Variants in KPNA5 observed in about 807,000 individuals in gnomAD.
The protein encoded by KPNA5 is importin subunit alpha-6.
In KPNA5, 46 loss-of-function variants were observed where a neutral mutation model predicts 71.3. The ratio of observed to expected loss-of-function variants is 0.65; its 90% CI spans 0.51 to 0.83. The LOEUF (loss-of-function observed/expected upper bound fraction) is 0.83. Ranked by LOEUF, KPNA5 falls within the 40% of genes least tolerant of loss-of-function variation. The pLI is 0.00. For missense variants in KPNA5, 547 were observed against 628.3 expected, an observed-to-expected ratio of 0.87 and a Z score of 1.38; for synonymous variants, 207 against 201.4, an observed-to-expected ratio of 1.03 and a Z score of -0.24.
At chr6:116,706,213 GTCTCTA>G (rs1474446541) in intron 7 of KPNA5, among the ~76,000 whole-genome samples, 1 of 152,122 alleles carries the variant, frequency 6.6e-6, no homozygotes, top group Non-Finnish European at 1.5e-5. Context: ...TTGTTGTTCT[GTCTCTA>G]TGTCATTTTA....
chr6:116,702,324 A>G (rs1778261210), intron 6 of KPNA5, among the ~76,000 whole-genome samples, 174 bp downstream of exon 6: 1 of 152,196 alleles, frequency 6.6e-6, no homozygotes, highest in South Asian at 2.1e-4. Context: ...AGTTCCAGAC[A>G]TAATCCTGGG....
chr6:116,713,395 C>A (rs1778775108), intron 7 of KPNA5, among the ~76,000 whole-genome samples: 3 of 152,066 alleles, frequency 2.0e-5, no homozygotes, highest in Admixed American at 1.3e-4. Flanking sequence ...TTGCCTCTGT[C>A]CTTCATGATT....
rs377543275 is a variant in KPNA5, at chr6:116,732,346, A to G, written c.*23A>G. ...TAACTTACTGGAGGAAAAAAAATTT[A>G]TGGCTAAAAAGGGTAGCTTCAGGTA... On this transcript the variant is annotated 3_prime_UTR_variant, in exon 14 of 14. Transcript: ENST00000368564. 19 of 1,417,076 alleles carry G rather than the reference A, an allele frequency of 1.3e-5. No homozygotes were observed. Among genetic ancestry groups the G allele is most frequent in the Admixed American group, 2.4e-5 (1 of 42,272 alleles). 87.8% of individuals were successfully genotyped at this position (1,417,076 alleles called of 1,614,324 possible).
intron 4 of KPNA5, among the ~76,000 whole-genome samples, chr6:116,693,580 GTTGT>G (rs1254459937): frequency 5.9e-5 from 9 of 152,114 alleles, no homozygotes; most frequent in Non-Finnish European, 8.8e-5. Context: ...TGTTGATGGG[GTTGT>G]TTGTTTTTTT....
chr6:116,704,734 C>G (rs576647674), intron 6 of KPNA5, among the ~76,000 whole-genome samples: 1 of 152,004 alleles, frequency 6.6e-6, no homozygotes. Context: ...GCCACCACAC[C>G]CAGCTAATTT....
At chr6:116,720,208 A>G (rs1402389263) in intron 8 of KPNA5, among the ~76,000 whole-genome samples, 1 of 152,158 alleles carries the variant, frequency 6.6e-6, no homozygotes, top group Non-Finnish European at 1.5e-5. Context: ...ATTTCTAAGC[A>G]TTTGGAGTTG....
At chr6:116,696,957 T>TATATC (rs1367723402) in intron 4 of KPNA5, among the ~76,000 whole-genome samples, 7 of 151,988 alleles carry the variant, frequency 4.6e-5, no homozygotes, top group Admixed American at 1.3e-4. Context: ...TGGGGGGGTA[T>TATATC]ATATCATATC....
chr6:116,719,468 G>GT (rs2114477693), intron 8 of KPNA5, among the ~76,000 whole-genome samples: 1 of 152,266 alleles, frequency 6.6e-6, no homozygotes, highest in South Asian at 2.1e-4. Context: ...AGACCATTCA[G>GT]TTTTTTTAGA....
Position 116,725,878 on chromosome 6 carries a change from T to G in KPNA5, c.1125+2T>G. The G allele has an allele frequency of 1.2e-6, 2 of 1,612,114 alleles. No homozygotes were observed. The highest frequency in any genetic ancestry group is 2.2e-5 in the South Asian group (2 of 90,752). Reference sequence around the variant, plus strand: ...GCTGGAAATAGAGCTCAGATTCAGGTAACTACCCTTCAGATCTGAGAGTAG... The same window carrying G: ...GCTGGAAATAGAGCTCAGATTCAGGGAACTACCCTTCAGATCTGAGAGTAG... On this transcript the variant is annotated splice_donor_variant, in intron 11 of 13. Coordinates refer to ENST00000368564, the MANE Select transcript of KPNA5 (RefSeq NM_001366306.2). LOFTEE classifies it high-confidence loss of function.
intron 1 of KPNA5, among the ~76,000 whole-genome samples, chr6:116,683,697 C>A (rs1256528065): frequency 3.3e-5 from 5 of 151,574 alleles, no homozygotes; most frequent in African/African-American, 1.2e-4. Context: ...GAGTCTCCCT[C>A]CCGGGGTCTC....
At position 116,736,322 on chromosome 6, in the gene KPNA5, A is replaced by G. The variant is rs1388118756; in HGVS notation, c.*3999A>G. The G allele has an allele frequency of 6.6e-6, 1 of 151,992 alleles. No homozygotes were observed. The highest frequency in any genetic ancestry group is 1.9e-4 in the East Asian group (1 of 5,202). 9.4% of individuals were successfully genotyped at this position (151,992 alleles called of 1,614,324 possible). On this transcript the variant is annotated 3_prime_UTR_variant, in exon 14 of 14. Transcript: ENST00000368564. ...TGAAGTGTTCGGAATAGACAAATCT[A>G]TAGAAACAGAAATAAATTAGTATCT...
intron 8 of KPNA5, among the ~76,000 whole-genome samples, chr6:116,720,121 GCTT>G (rs1459603464): frequency 6.6e-6 from 1 of 152,120 alleles, no homozygotes; most frequent in Non-Finnish European, 1.5e-5. Context: ...AGTCTATCCT[GCTT>G]CTTATCAGAT....
intron 4 of KPNA5, among the ~76,000 whole-genome samples, chr6:116,697,453 A>G (rs1269426541): frequency 1.3e-5 from 2 of 152,072 alleles, no homozygotes; most frequent in Non-Finnish European, 2.9e-5. Flanking sequence ...GTCTGTTTCT[A>G]AGTAAATCTT....
At chr6:116,687,868 G>GAACTATGTAA (rs1216148298) in intron 1 of KPNA5, among the ~76,000 whole-genome samples, 14 of 152,070 alleles carry the variant, frequency 9.2e-5, no homozygotes, top group Non-Finnish European at 1.6e-4. Flanking sequence ...CTCTCTCTCT[G>GAACTATGTAA]AACTATGTAA....
intron 4 of KPNA5, among the ~76,000 whole-genome samples, chr6:116,696,771 A>T (rs1050968907): frequency 6.6e-6 from 1 of 152,162 alleles, no homozygotes; most frequent in African/African-American, 2.4e-5. Context: ...CACCATTATA[A>T]GATTATGTAG....
chr6:116,719,991 A>G (rs77129286), intron 8 of KPNA5, among the ~76,000 whole-genome samples: 35 of 152,316 alleles, frequency 2.3e-4, no homozygotes, highest in African/African-American at 8.2e-4. Context: ...ACTGTGCTTT[A>G]TATCCCAAAG....
chr6:116,714,702 A>G (rs1407005194), intron 7 of KPNA5, among the ~76,000 whole-genome samples: 2 of 152,124 alleles, frequency 1.3e-5, no homozygotes, highest in African/African-American at 2.4e-5. Flanking sequence ...AGGTTTCAAC[A>G]TCTCATTCAT....
At chr6:116,723,654 G>T (rs537807628) in intron 9 of KPNA5, among the ~76,000 whole-genome samples, 2 of 152,110 alleles carry the variant, frequency 1.3e-5, no homozygotes, top group South Asian at 4.2e-4. Flanking sequence ...AAACCCATAA[G>T]TCCACACTAA....
At chr6:116,715,846 C>T (rs1463886032) in intron 7 of KPNA5, among the ~76,000 whole-genome samples, 3 of 151,390 alleles carry the variant, frequency 2.0e-5, no homozygotes, top group African/African-American at 7.3e-5. Context: ...ACCCAGGGGG[C>T]AGAGGTTGCA....
Sources: gnomAD v4.1 joint callset for allele counts (sites outside exome capture counted in the v4.1 genomes callset) on GRCh38, gnomAD v4.1.1 for gene constraint, MANE v1.5 for transcripts, NCBI Gene and HGNC (gene_info 2026-07-23, HGNC 2026-07-21) for gene names.